The following CCDC91 variants were observed in gnomAD, a reference collection of about 807,000 sequenced individuals.
The protein encoded by CCDC91 is coiled-coil domain containing 91.
A neutral mutation model predicts 63.2 loss-of-function variants in CCDC91; 48 were observed. That is an observed-to-expected ratio of 0.76 (90% CI 0.60 to 0.97). The LOEUF is 0.97. CCDC91 is among the 50% of genes least tolerant of loss of function. CCDC91 has a pLI of 0.00. For synonymous variants in CCDC91, 167 were observed against 165.8 expected (o/e 1.01, Z -0.06); for missense variants, 500 against 494.6 (o/e 1.01, Z -0.10).
chr12:28,266,276 G>C (rs140745458), intron 3 of CCDC91, among the ~76,000 whole-genome samples: 3 of 151,946 alleles, frequency 2.0e-5, no homozygotes, highest in Non-Finnish European at 4.4e-5. Context: ...TCAAATATCC[G>C]TGTTGTGGAG....
At chr12:28,454,366 A>G (rs552500584) in intron 11 of CCDC91, among the ~76,000 whole-genome samples, 1 of 152,126 alleles carries the variant, frequency 6.6e-6, no homozygotes, top group Non-Finnish European at 1.5e-5. Flanking sequence ...ATGCTAATCC[A>G]AACTGCTGTG....
chr12:28,358,330 T>C (rs998019506), intron 6 of CCDC91, among the ~76,000 whole-genome samples: 12 of 152,202 alleles, frequency 7.9e-5, no homozygotes, highest in African/African-American at 2.7e-4. Flanking sequence ...ATTAACACTT[T>C]TATTTTGATG....
At chr12:28,242,087 T>A (rs1945382925) in intron 1 of CCDC91, among the ~76,000 whole-genome samples, 1 of 151,836 alleles carries the variant, frequency 6.6e-6, no homozygotes, top group South Asian at 2.1e-4. Flanking sequence ...TATACTGTCA[T>A]ATTAAATATA....
intron 1 of CCDC91, among the ~76,000 whole-genome samples, chr12:28,220,782 G>T (rs1264329509): frequency 6.6e-6 from 1 of 151,962 alleles, no homozygotes; most frequent in African/African-American, 2.4e-5. Flanking sequence ...TGTTTTACAT[G>T]GTTCTGGCAA....
At chr12:28,501,427 A>C (rs139229068) in intron 12 of CCDC91, among the ~76,000 whole-genome samples, 6 of 151,930 alleles carry the variant, frequency 3.9e-5, no homozygotes, top group African/African-American at 1.4e-4. Context: ...GGGTTGTTGA[A>C]TTTTGTCAAA....
intron 1 of CCDC91, among the ~76,000 whole-genome samples, chr12:28,248,551 G>A (rs1465091326): frequency 6.6e-6 from 1 of 151,822 alleles, no homozygotes; most frequent in Non-Finnish European, 1.5e-5. Flanking sequence ...GAAGGAAGGA[G>A]TATGATAGTC....
chr12:28,317,978 A>G (rs906421279), intron 6 of CCDC91, among the ~76,000 whole-genome samples: 3 of 151,942 alleles, frequency 2.0e-5, no homozygotes, highest in East Asian at 1.9e-4. Flanking sequence ...CTCATTCACT[A>G]TCTTTATTCT....
At chr12:28,303,679 C>G (rs1938334121) in intron 3 of CCDC91, among the ~76,000 whole-genome samples, 1 of 152,096 alleles carries the variant, frequency 6.6e-6, no homozygotes, top group African/African-American at 2.4e-5. Flanking sequence ...AATATCAACA[C>G]TTTACTAAAT....
At chr12:28,334,400 T>TA in intron 6 of CCDC91, among the ~76,000 whole-genome samples, 1 of 152,280 alleles carries the variant, frequency 6.6e-6, no homozygotes, top group East Asian at 1.9e-4. Flanking sequence ...GGCATTATAT[T>TA]AATAGGTAAA....
At chr12:28,443,462 T>C (rs192779269) in intron 8 of CCDC91, among the ~76,000 whole-genome samples, 1 of 151,760 alleles carries the variant, frequency 6.6e-6, no homozygotes, top group African/African-American at 2.4e-5. Context: ...ATTTTTTATT[T>C]ATTCATTCAT....
chr12:28,313,900 C>G (rs1939579836), intron 6 of CCDC91, among the ~76,000 whole-genome samples: 1 of 152,000 alleles, frequency 6.6e-6, no homozygotes, highest in Admixed American at 6.6e-5. Context: ...TTCTTTGACT[C>G]CTGTAACAAG....
At chr12:28,201,123 G>A (rs71460586) in intron 1 of CCDC91, among the ~76,000 whole-genome samples, 33,763 of 141,340 alleles carry the variant, frequency 0.24, 4,532 homozygotes, top group Non-Finnish European at 0.29. Flanking sequence ...CTGGCCGGGC[G>A]GGGGGCTGAC....
At chr12:28,378,874 A>G (rs1235430313) in intron 7 of CCDC91, among the ~76,000 whole-genome samples, 1 of 152,078 alleles carries the variant, frequency 6.6e-6, no homozygotes, top group Non-Finnish European at 1.5e-5. Flanking sequence ...GGATTGAGAA[A>G]GATTTGGTAG....
chr12:28,284,568 G>A (rs1429493650), intron 3 of CCDC91, among the ~76,000 whole-genome samples: 1 of 151,762 alleles, frequency 6.6e-6, no homozygotes, highest in Non-Finnish European at 1.5e-5. Flanking sequence ...CAGGAGAATC[G>A]CTTGAATCCA....
At chr12:28,264,583 GTC>G (rs1257865024) in intron 3 of CCDC91, among the ~76,000 whole-genome samples, 3 of 104,208 alleles carry the variant, frequency 2.9e-5, no homozygotes, top group Admixed American at 1.2e-4. Context: ...ATATATGTCT[GTC>G]TGTGTGTGTG....
At chr12:28,382,918 A>G (rs1420703881) in intron 7 of CCDC91, among the ~76,000 whole-genome samples, 1 of 152,060 alleles carries the variant, frequency 6.6e-6, no homozygotes, top group Non-Finnish European at 1.5e-5. Context: ...TCAAGTCACA[A>G]GGAATAATGT....
chr12:28,264,203 A>G (rs1415055622), intron 3 of CCDC91, among the ~76,000 whole-genome samples: 2 of 151,758 alleles, frequency 1.3e-5, no homozygotes, highest in Non-Finnish European at 2.9e-5. Flanking sequence ...TTACAGGTCT[A>G]GAAGGAATAA....
intron 12 of CCDC91, among the ~76,000 whole-genome samples, chr12:28,519,709 T>TC (rs1157874619): frequency 7.9e-6 from 1 of 126,756 alleles, no homozygotes; most frequent in Non-Finnish European, 1.7e-5. Flanking sequence ...CCTAATGCTA[T>TC]CCCTCCCCCC....
Position 28,484,142 on chromosome 12 carries a change from G to T in CCDC91, c.1192G>T (p.Glu398Ter). The T allele has an allele frequency of 1.2e-6, 2 of 1,606,960 alleles. No homozygotes were observed. The highest frequency in any genetic ancestry group is 1.1e-5 in the South Asian group (1 of 89,948). Residue 398 changes from glutamate to a stop codon, truncating the protein, a stop_gained, in exon 12 of 13, where the codon GAG (glutamate) becomes TAG (stop). Coordinates refer to ENST00000536442, the MANE Select transcript of CCDC91 (RefSeq NM_018318.5). LOFTEE classifies it high-confidence loss of function. ...GAAAAGAACAAGAGATGAATTGATAGAGTATATAAAAGAACAGAAAAGGGT... is the reference window on the plus strand; with the variant it reads ...GAAAAGAACAAGAGATGAATTGATATAGTATATAAAAGAACAGAAAAGGGT... Reference protein sequence around the residue: ...AVKRTRDELIEYIKEQKRLDQ... With the variant: ...AVKRTRDELI
Sources: allele counts gnomAD v4.1 joint callset (sites outside exome capture counted in the v4.1 genomes callset), GRCh38; gene constraint gnomAD v4.1.1; transcripts MANE v1.5; gene names NCBI Gene and HGNC (gene_info 2026-07-23, HGNC 2026-07-21).